CABLES1: variants seen among roughly 807,000 people sequenced by gnomAD.
CABLES1 encodes CDK5 and ABL1 enzyme substrate 1.
In CABLES1, 36 loss-of-function variants were observed where a neutral mutation model predicts 57.8. The observed-to-expected ratio is 0.62, with a 90% CI of 0.48 to 0.82. The LOEUF is 0.82. Ranked by LOEUF, CABLES1 falls within the 40% of genes least tolerant of loss-of-function variation. CABLES1 has a pLI of 0.00. For synonymous variants in CABLES1, 374 were observed against 363.0 expected (o/e 1.03, Z -0.35); for missense variants, 767 against 836.6 (o/e 0.92, Z 1.03).
chr18:23,189,251 C>T (rs886825819), intron 2 of CABLES1: 17 of 218,364 alleles, frequency 7.8e-5, no homozygotes, highest in Non-Finnish European at 1.6e-4. Context: ...TAGGTACAGT[C>T]CTGGACTTCA....
intron 3 of CABLES1, among the ~76,000 whole-genome samples, chr18:23,204,060 C>T (rs144539992): frequency 2.0e-4 from 30 of 152,158 alleles, no homozygotes; most frequent in African/African-American, 6.8e-4. Flanking sequence ...ACTGGGGCTC[C>T]GGTTCCAGGC....
intron 7 of CABLES1, among the ~76,000 whole-genome samples, chr18:23,248,547 G>A (rs532511723): frequency 3.7e-5 from 4 of 108,914 alleles, no homozygotes; most frequent in East Asian, 2.0e-4. Flanking sequence ...TTAAAAAAAG[G>A]CTGGACGTGG....
At chr18:23,205,626 T>G (rs1053696309) in intron 3 of CABLES1, among the ~76,000 whole-genome samples, 4 of 152,194 alleles carry the variant, frequency 2.6e-5, no homozygotes, top group Non-Finnish European at 5.9e-5. Flanking sequence ...TTGTGGCAGA[T>G]GTAATTCACT....
intron 7 of CABLES1, among the ~76,000 whole-genome samples, chr18:23,239,853 C>T (rs186847058): frequency 1.1e-4 from 17 of 152,304 alleles, no homozygotes; most frequent in African/African-American, 3.6e-4. Flanking sequence ...CATGGTGGCT[C>T]ACGCCTGTAA....
intron 7 of CABLES1, among the ~76,000 whole-genome samples, chr18:23,249,581 T>A (rs1444071246): frequency 6.6e-6 from 1 of 152,164 alleles, no homozygotes; most frequent in East Asian, 1.9e-4. Context: ...CCTGATGAAA[T>A]TTTTCAGCGT....
At chr18:23,189,518 G>A (rs540596700) in intron 2 of CABLES1, among the ~76,000 whole-genome samples, 1 of 152,306 alleles carries the variant, frequency 6.6e-6, no homozygotes, top group East Asian at 1.9e-4. Context: ...GGACGAGAGT[G>A]CACTCAGGTG....
chr18:23,236,646 C>T (rs2047616665), intron 6 of CABLES1, among the ~76,000 whole-genome samples: 2 of 152,344 alleles, frequency 1.3e-5, no homozygotes, highest in South Asian at 2.1e-4. Context: ...AGTTCTGAAT[C>T]CCTGTCCTAG....
chr18:23,246,608 G>T (rs773225839), intron 7 of CABLES1, among the ~76,000 whole-genome samples: 5 of 151,838 alleles, frequency 3.3e-5, no homozygotes, highest in South Asian at 2.1e-4. Flanking sequence ...AGCCAGGATG[G>T]TCTCGATCTC....
At chr18:23,192,351 C>T (rs1408535603) in intron 2 of CABLES1, among the ~76,000 whole-genome samples, 1 of 152,254 alleles carries the variant, frequency 6.6e-6, no homozygotes, top group East Asian at 1.9e-4. Flanking sequence ...CAGCTCCTTC[C>T]TTTGCTGGTA....
intron 2 of CABLES1, 177 bp downstream of exon 2, chr18:23,189,086 A>C: frequency 1.8e-6 from 1 of 550,284 alleles, no homozygotes; most frequent in Non-Finnish European, 3.2e-6. Flanking sequence ...CTAGAACTAA[A>C]CAACGTTAAA....
At chr18:23,199,005 G>A (rs2047304700) in intron 3 of CABLES1, among the ~76,000 whole-genome samples, 1 of 152,194 alleles carries the variant, frequency 6.6e-6, no homozygotes, top group African/African-American at 2.4e-5. Context: ...TGTCTCCATT[G>A]ACGAGAATGT....
In CABLES1 at chr18:23,136,337, C is replaced by A; in HGVS notation, c.575C>A (p.Ala192Asp). 6.9e-7 allele frequency: 1 copy of A among 1,447,782 alleles called. No homozygotes were observed. The highest frequency in any genetic ancestry group is 9.1e-7 in the Non-Finnish European group (1 of 1,102,384). 89.7% of individuals were successfully genotyped at this position (1,447,782 alleles called of 1,614,324 possible). Residue 192 changes from alanine to aspartate, a missense_variant, in exon 1 of 10, where the codon GCC becomes GAC. Ala to Asp is a moderately radical substitution (Grantham distance 126). This residue lies in a region of CABLES1 where 529 missense variants were observed against 622.8 expected (regional missense o/e 0.85). Coordinates refer to ENST00000256925, the MANE Select transcript of CABLES1 (RefSeq NM_001100619.3). ...CGGCCGGCGCCTCTCGCCGCCTGTG[C>A]CCAACTGCAGCTGCTCGACGGGTCC... ...PPRPAPLAAC[A>D]QLQLLDGSGA...
chr18:23,163,448 C>T (rs1186358436), intron 1 of CABLES1, among the ~76,000 whole-genome samples: 4 of 152,036 alleles, frequency 2.6e-5, no homozygotes, highest in South Asian at 2.1e-4. Flanking sequence ...TCTTCCGTAT[C>T]GAGAGGTTGA....
At chr18:23,216,727 A>G (rs1000589611) in intron 4 of CABLES1, among the ~76,000 whole-genome samples, 14 of 152,340 alleles carry the variant, frequency 9.2e-5, no homozygotes, top group African/African-American at 3.1e-4. Context: ...TTACCCAGGA[A>G]GAGGGCACTC....
intron 1 of CABLES1, among the ~76,000 whole-genome samples, chr18:23,153,090 A>G (rs147086480): frequency 0.03 from 4,435 of 149,444 alleles, 162 homozygotes; most frequent in African/African-American, 0.087. Context: ...GTGAGCCACT[A>G]CGCCTGGCTG....
chr18:23,225,816 C>T (rs750809960), intron 4 of CABLES1, among the ~76,000 whole-genome samples: 2 of 152,244 alleles, frequency 1.3e-5, no homozygotes, highest in African/African-American at 4.8e-5. Context: ...TTGCAAGCAA[C>T]TTTCTCAACT....
At chr18:23,215,379 G>A (rs911023786) in intron 4 of CABLES1, among the ~76,000 whole-genome samples, 24 of 152,130 alleles carry the variant, frequency 1.6e-4, no homozygotes, top group African/African-American at 5.8e-4. Context: ...GACCCCAGAG[G>A]CCAGTTAATT....
At chr18:23,140,303 T>TA (rs1385262265) in intron 1 of CABLES1, among the ~76,000 whole-genome samples, 1 of 152,226 alleles carries the variant, frequency 6.6e-6, no homozygotes, top group Non-Finnish European at 1.5e-5. Flanking sequence ...AGCCCTGTGT[T>TA]ACTCTACTTC....
intron 4 of CABLES1, among the ~76,000 whole-genome samples, chr18:23,227,471 G>T (rs1191538379): frequency 2.0e-5 from 3 of 152,226 alleles, no homozygotes; most frequent in African/African-American, 7.2e-5. Context: ...AGTTGCCCTT[G>T]CAGGGGATGG....
Sources: gnomAD v4.1 joint callset for allele counts (sites outside exome capture counted in the v4.1 genomes callset) on GRCh38, gnomAD v4.1.1 for gene constraint, gnomAD v4.1.1 regional missense constraint, MANE v1.5 for transcripts, NCBI Gene and HGNC (gene_info 2026-07-23, HGNC 2026-07-21) for gene names.